LRP1B: variants seen among roughly 807,000 people sequenced by gnomAD.
LRP1B encodes the protein low-density lipoprotein receptor-related protein 1B.
In LRP1B, 217 loss-of-function variants were observed where a neutral mutation model predicts 556.6. The ratio of observed to expected loss-of-function variants is 0.39; its 90% CI spans 0.35 to 0.44. The LOEUF (loss-of-function observed/expected upper bound fraction) is 0.44, where lower values mean the gene tolerates loss of function less well. LRP1B is among the 20% of genes least tolerant of loss of function. The pLI is 1.00. For synonymous variants in LRP1B, 2,047 were observed against 1,865.8 expected (o/e 1.10, Z -2.50); for missense variants, 5,053 against 5,620.8 (o/e 0.90, Z 3.23).
rs375308888 is a variant in LRP1B, at chr2:140,409,990, TG to T, written c.10415-23982del. Among the ~76,000 whole-genome samples the T allele has an allele frequency of 2.5e-4, 38 of 152,200 alleles. No homozygotes were observed. In the East Asian group the frequency reaches 6.2e-3, roughly 25 times the overall value. Reference sequence around the variant, plus strand: ...TTGTGCCAGAGGTAATTCAAAAACATGGTTGCCTTCGCCATAAAACCCTAAA... The same window carrying T: ...TTGTGCCAGAGGTAATTCAAAAACATGTTGCCTTCGCCATAAAACCCTAAA... On this transcript the variant is annotated intron_variant, in intron 66 of 90. Coordinates refer to ENST00000389484, the MANE Select transcript of LRP1B (RefSeq NM_018557.3).
chr2:140,600,766 GGTTTTT>G (rs1297929960), intron 42 of LRP1B, among the ~76,000 whole-genome samples: 1 of 46,174 alleles, frequency 2.2e-5, no homozygotes, highest in African/African-American at 8.2e-5. Context: ...TGTTCTTCGG[GGTTTTT>G]TTTTTTTTTT....
At chr2:140,579,674 T>G (rs2105132073) in intron 43 of LRP1B, among the ~76,000 whole-genome samples, 1 of 152,144 alleles carries the variant, frequency 6.6e-6, no homozygotes, top group East Asian at 1.9e-4. Context: ...TAACCCCATC[T>G]CTACTAAAAA....
chr2:140,855,493 G>GGAAAAAAAAAAAAAAAAAA lies in LRP1B; in HGVS notation c.4580-3711_4580-3710insTTTTTTTTTTTTTTTTTTC, dbSNP rs570169727. On this transcript the variant is annotated intron_variant, in intron 27 of 90. Coordinates refer to ENST00000389484, the MANE Select transcript of LRP1B (RefSeq NM_018557.3). Reference sequence around the variant, plus strand: ...GACAGGTAGGTCCCATCTCTACTGGGAAAAAAAAAAAATTTGAATGGCTTC... The same window carrying GGAAAAAAAAAAAAAAAAAA: ...GACAGGTAGGTCCCATCTCTACTGGGGAAAAAAAAAAAAAAAAAAAAAAAAAAAAAATTTGAATGGCTTC... Among the ~76,000 whole-genome samples the GGAAAAAAAAAAAAAAAAAA allele has an allele frequency of 1.7e-3, 171 of 99,358 alleles. 12 individuals are homozygous for GGAAAAAAAAAAAAAAAAAA. The highest frequency in any genetic ancestry group is 3.1e-3 in the African/African-American group (82 of 26,446). The allele number at this position is 99,358 out of a possible 152,430, so 65.2% of individuals were successfully genotyped here.
chr2:140,478,269 C>T (rs1289094532), intron 59 of LRP1B, among the ~76,000 whole-genome samples: 1 of 151,380 alleles, frequency 6.6e-6, no homozygotes, highest in Non-Finnish European at 1.5e-5. Flanking sequence ...CCTGCCTCAG[C>T]CTCCTGAGTA....
chr2:141,100,025 C>T (rs1452446525), intron 7 of LRP1B, among the ~76,000 whole-genome samples: 1 of 152,086 alleles, frequency 6.6e-6, no homozygotes. Flanking sequence ...TCTATTTTTC[C>T]TTTCTATCCT....
rs1368498330 is a variant in LRP1B, at chr2:141,079,554, C to T, written c.1014-17281G>A. ...ATTTGAGCACACTATAATAATCCTGCAAGCAATAATGCTCTGAAAAGCCTT... is the reference window on the plus strand; with the variant it reads ...ATTTGAGCACACTATAATAATCCTGTAAGCAATAATGCTCTGAAAAGCCTT... On this transcript the variant is annotated intron_variant, in intron 7 of 90. Coordinates refer to ENST00000389484, the MANE Select transcript of LRP1B (RefSeq NM_018557.3). Among the ~76,000 whole-genome samples, 3 of 152,192 alleles carry T rather than the reference C, an allele frequency of 2.0e-5. No individual in the cohort carries two copies. In the East Asian group the frequency reaches 5.8e-4, roughly 29 times the overall value.
intron 77 of LRP1B, among the ~76,000 whole-genome samples, chr2:140,345,834 A>G (rs1298108563): frequency 5.7e-5 from 8 of 141,340 alleles, no homozygotes; most frequent in Non-Finnish European, 1.1e-4. Context: ...ATACATATAT[A>G]TATACACATA....
intron 18 of LRP1B, among the ~76,000 whole-genome samples, chr2:140,965,561 A>ATT (rs34025428): frequency 3.9e-4 from 3 of 7,596 alleles, no homozygotes; most frequent in East Asian, 2.6e-3. Flanking sequence ...TTTTCTTTTA[A>ATT]TTTTTTTATT....
chr2:140,360,047 C>A (rs1682434923), intron 72 of LRP1B, among the ~76,000 whole-genome samples: 1 of 151,524 alleles, frequency 6.6e-6, no homozygotes, highest in African/African-American at 2.4e-5. Flanking sequence ...AGAGAGATAT[C>A]CTAAATGTCT....
intron 2 of LRP1B, among the ~76,000 whole-genome samples, chr2:141,482,562 T>C (rs1008632028): frequency 5.2e-4 from 79 of 151,954 alleles, no homozygotes; most frequent in African/African-American, 1.8e-3. Flanking sequence ...TGAATACAAA[T>C]TACAGGAGTA....
At chr2:140,390,768 TCACACACACACACACA>T (rs70985096) in intron 66 of LRP1B, among the ~76,000 whole-genome samples, 2 of 143,684 alleles carry the variant, frequency 1.4e-5, no homozygotes, top group African/African-American at 5.1e-5. Flanking sequence ...AATAGAAACT[TCACACACACACACACA>T]CACACACACA....
chr2:141,585,283 A>G (rs559504628), intron 2 of LRP1B, among the ~76,000 whole-genome samples: 1 of 152,304 alleles, frequency 6.6e-6, no homozygotes, highest in East Asian at 1.9e-4. Flanking sequence ...ATCCTAAGAT[A>G]AATTATAAGT....
intron 1 of LRP1B, among the ~76,000 whole-genome samples, chr2:142,028,585 T>C (rs1023210314): frequency 5.9e-5 from 9 of 152,006 alleles, no homozygotes; most frequent in Non-Finnish European, 1.0e-4. Flanking sequence ...TGATGGACAT[T>C]TGGGACATTT....
At chr2:141,712,996 A>G (rs1180378779) in intron 2 of LRP1B, among the ~76,000 whole-genome samples, 1 of 151,808 alleles carries the variant, frequency 6.6e-6, no homozygotes, top group East Asian at 1.9e-4. Context: ...TATATCTTCA[A>G]GTATACAAGT....
At chr2:141,297,033 G>A (rs1461948875) in intron 3 of LRP1B, among the ~76,000 whole-genome samples, 1 of 152,134 alleles carries the variant, frequency 6.6e-6, no homozygotes, top group East Asian at 1.9e-4. Flanking sequence ...CAAAGGATAT[G>A]ATTTCATTCT....
chr2:140,921,247 G>A (rs372048432), intron 21 of LRP1B, among the ~76,000 whole-genome samples: 6 of 151,614 alleles, frequency 4.0e-5, no homozygotes, highest in Admixed American at 1.3e-4. Context: ...TTTATGTTTC[G>A]CATCTCAATT....
chr2:140,575,869 C>G (rs1681502368), intron 43 of LRP1B, among the ~76,000 whole-genome samples: 1 of 151,884 alleles, frequency 6.6e-6, no homozygotes. Flanking sequence ...TTGCAATGAG[C>G]CGAGATCACG....
chr2:140,524,041 C>T (rs1015754946), intron 49 of LRP1B, among the ~76,000 whole-genome samples: 2 of 151,418 alleles, frequency 1.3e-5, no homozygotes, highest in Admixed American at 1.3e-4. Flanking sequence ...TAAACAGGTA[C>T]CCTGGGAGAA....
At chr2:142,069,535 C>T (rs570077098) in intron 1 of LRP1B, among the ~76,000 whole-genome samples, 1 of 151,708 alleles carries the variant, frequency 6.6e-6, no homozygotes, top group Admixed American at 6.6e-5. Flanking sequence ...CTGAAACTGA[C>T]ATTCATTCAC....
Sources: allele counts gnomAD v4.1 joint callset (sites outside exome capture counted in the v4.1 genomes callset), GRCh38; gene constraint gnomAD v4.1.1; transcripts MANE v1.5; gene names NCBI Gene and HGNC (gene_info 2026-07-23, HGNC 2026-07-21).